Variants in SPON2 observed in about 807,000 individuals in gnomAD.
SPON2 encodes the protein spondin-2.
Under a neutral mutation model 29.9 loss-of-function variants are expected in SPON2, and 32 were observed. The observed-to-expected ratio is 1.07, with a 90% CI of 0.81 to 1.44. The LOEUF (loss-of-function observed/expected upper bound fraction) is 1.44, where lower values mean the gene tolerates loss of function less well. SPON2 is among the 40% of genes most tolerant of loss of function. SPON2 has a pLI of 0.00. For synonymous variants in SPON2, 248 were observed against 209.1 expected, an observed-to-expected ratio of 1.19 and a Z score of -1.61; for missense variants, 541 against 455.5, an observed-to-expected ratio of 1.19 and a Z score of -1.71.
rs769377233 is a variant in SPON2 at position 1,172,048 on chromosome 4, G to C, written c.24C>G (p.Ala8=). The change falls in exon 2 of 6, where the codon GCC becomes GCG. Residue 8 remains alanine, a synonymous_variant. Transcript: ENST00000290902. The part of the protein sequence containing the change: MENPSPA[A]ALGKALCALL... Reference sequence around the variant, plus strand: ...GAGCGCAGAGGGCCTTGCCCAGGGCGGCGGCCGGGCTGGGGTTTTCCATCA... The same window carrying C: ...GAGCGCAGAGGGCCTTGCCCAGGGCCGCGGCCGGGCTGGGGTTTTCCATCA... 1.9e-6 allele frequency: 3 copies of C among 1,611,784 alleles called. No homozygotes were observed. Among genetic ancestry groups the C allele is most frequent in the African/African-American group, 2.7e-5 (2 of 74,890 alleles).
At chr4:1,168,046 CAGA>C (rs1727304103) in intron 5 of SPON2, 1 of 191,620 alleles carries the variant, frequency 5.2e-6, no homozygotes, top group African/African-American at 2.5e-5. Context: ...ACCCGAATAA[CAGA>C]CAGGGGCACC....
chr4:1,192,682 G>A (rs1016987596), intron 1 of SPON2, among the ~76,000 whole-genome samples: 8 of 152,192 alleles, frequency 5.3e-5, no homozygotes, highest in South Asian at 2.1e-4. Context: ...ACAGAAGCTC[G>A]CAGCCTGGAT....
At chr4:1,175,249 C>G (rs1222458849), upstream of SPON2, among the ~76,000 whole-genome samples, 1 of 152,246 alleles carries the variant, frequency 6.6e-6, no homozygotes, top group Non-Finnish European at 1.5e-5. Context: ...GGGGCATGTT[C>G]CTGTGTAGGA....
intron 1 of SPON2, among the ~76,000 whole-genome samples, chr4:1,205,509 G>A (rs1016132111): frequency 2.6e-5 from 4 of 152,192 alleles, no homozygotes; most frequent in African/African-American, 9.7e-5. Context: ...CTGCAGAGGT[G>A]CTAAGGTTCA....
rs903290014 is a variant in SPON2 at position 1,171,236 on chromosome 4, C to T, written c.444+27G>A. 6 of 1,431,548 alleles carry T rather than the reference C, an allele frequency of 4.2e-6. No individual in the cohort carries two copies. The African/African-American group carries it at 4.5e-5, about 11-fold the overall frequency. 88.7% of individuals were successfully genotyped at this position (1,431,548 alleles called of 1,614,324 possible). A position where few individuals can be genotyped will look rare whatever the true frequency, so the allele number is the denominator to read the frequency against. On this transcript the variant is annotated intron_variant, in intron 3 of 5. Transcript: ENST00000290902. ...CGCGCCTGGCCCCGGCCCCCCGGACCCCGCCCCCGGCCGGCCCCGCGCTCA... is the reference window on the plus strand; with the variant it reads ...CGCGCCTGGCCCCGGCCCCCCGGACTCCGCCCCCGGCCGGCCCCGCGCTCA...
Position 1,182,414 on chromosome 4 carries a change from AAG to A in SPON2, c.-238-2875_-238-2874del, listed in dbSNP as rs1281570499. Among the ~76,000 whole-genome samples the A allele has an allele frequency of 3.9e-5, 6 of 152,182 alleles. No individual in the cohort carries two copies. In the South Asian group the frequency reaches 6.2e-4, roughly 16 times the overall value. ...ATATAAAACCTAAAAAGAAACCAAA[AAG>A]AAATTCTGAAGGTGAAAAGTATAAT... On this transcript the variant is annotated intron_variant, in intron 1 of 3. Coordinates refer to the SPON2 transcript ENST00000502483.
Position 1,171,162 on chromosome 4 carries a change from C to T in SPON2, c.473G>A (p.Ser158Asn). The change falls in exon 4 of 6, where the codon AGC becomes AAC. Residue 158 changes from serine to asparagine, a missense_variant. Physicochemically the swap from Ser to Asn is conservative, Grantham distance 46. Coordinates refer to ENST00000290902, the MANE Select transcript of SPON2 (RefSeq NM_012445.4). The part of the protein sequence containing the change: ...LVSFVVRIVP[S>N]PDWFVGVDSL... ...GTCCACGCCCACGAACCAGTCGGGG[C>T]TGGGCACGATGCGCACCACAAACGA... 1.3e-6 allele frequency: 2 copies of T among 1,550,374 alleles called. No individual in the cohort carries two copies. Among genetic ancestry groups the T allele is most frequent in the Middle Eastern group, 3.4e-4 (2 of 5,926 alleles).
chr4:1,201,777 G>A (rs768448224), intron 1 of SPON2, among the ~76,000 whole-genome samples: 5 of 152,034 alleles, frequency 3.3e-5, no homozygotes, highest in South Asian at 4.1e-4. Context: ...TAGAGACGGG[G>A]TTTCACTGTG....
At chr4:1,204,592 G>A (rs960955539) in intron 1 of SPON2, among the ~76,000 whole-genome samples, 9 of 152,188 alleles carry the variant, frequency 5.9e-5, no homozygotes, top group Non-Finnish European at 8.8e-5. Flanking sequence ...TGGTGGCCAC[G>A]GTTCCCTTGT....
chr4:1,203,878 CT>C (rs1203566176), intron 1 of SPON2, among the ~76,000 whole-genome samples: 10 of 148,096 alleles, frequency 6.8e-5, no homozygotes, highest in Admixed American at 6.7e-5. Context: ...ATTCTTTTGC[CT>C]TTTTTTTTTG....
At chr4:1,175,816 G>A (rs1727584270), upstream of SPON2, among the ~76,000 whole-genome samples, 1 of 151,986 alleles carries the variant, frequency 6.6e-6, no homozygotes, top group Non-Finnish European at 1.5e-5. Context: ...CTAGGATGTG[G>A]GGTGGTGGTA....
At chr4:1,186,231 G>A (rs936008469) in intron 1 of SPON2, among the ~76,000 whole-genome samples, 3 of 144,766 alleles carry the variant, frequency 2.1e-5, no homozygotes, top group African/African-American at 7.8e-5. Context: ...GTGACAGAGC[G>A]AGACTCCGTC....
chr4:1,190,229 T>C (rs1445701996), intron 1 of SPON2, among the ~76,000 whole-genome samples: 1 of 149,228 alleles, frequency 6.7e-6, no homozygotes, highest in African/African-American at 2.5e-5. Context: ...AACTGACTCA[T>C]GAAGACATAC....
At chr4:1,205,280 G>A (rs758113630) in intron 1 of SPON2, among the ~76,000 whole-genome samples, 2 of 152,214 alleles carry the variant, frequency 1.3e-5, no homozygotes, top group Non-Finnish European at 2.9e-5. Context: ...GGCCATGCCC[G>A]GAGCTCCTGG....
intron 1 of SPON2, among the ~76,000 whole-genome samples, chr4:1,184,936 CA>C (rs71168814): frequency 1.5e-3 from 190 of 126,088 alleles, no homozygotes; most frequent in Middle Eastern, 4.3e-3. Flanking sequence ...GACTCTGTCT[CA>C]AAAAAAAAAA....
chr4:1,170,874 G>T (rs927700502), intron 4 of SPON2, 125 bp downstream of exon 4: 5 of 1,323,650 alleles, frequency 3.8e-6, no homozygotes, highest in Non-Finnish European at 5.3e-6. Context: ...TAGAAGCAGA[G>T]CCTCTTCCAC....
intron 1 of SPON2, among the ~76,000 whole-genome samples, chr4:1,190,728 C>CA (rs751687259): frequency 1.3e-5 from 2 of 151,994 alleles, no homozygotes; most frequent in Non-Finnish European, 2.9e-5. Flanking sequence ...GAAATCCATG[C>CA]AAAAACATTG....
intron 1 of SPON2, among the ~76,000 whole-genome samples, chr4:1,203,119 C>T (rs1055056429): frequency 1.3e-5 from 2 of 152,226 alleles, no homozygotes; most frequent in Non-Finnish European, 2.9e-5. Flanking sequence ...CAGCAGACCC[C>T]AGCCTGCCGG....
At chr4:1,183,240 C>CAAAAA (rs71168813) in intron 1 of SPON2, among the ~76,000 whole-genome samples, 1 of 129,106 alleles carries the variant, frequency 7.7e-6, no homozygotes, top group Non-Finnish European at 1.6e-5. Context: ...GAAACTCCAT[C>CAAAAA]AAAAAAAAAA....
Sources: allele counts gnomAD v4.1 joint callset (sites outside exome capture counted in the v4.1 genomes callset), GRCh38; gene constraint gnomAD v4.1.1; transcripts MANE v1.5; gene names NCBI Gene and HGNC (gene_info 2026-07-23, HGNC 2026-07-21).